CAMTA1: variants seen among roughly 807,000 people sequenced by gnomAD.
CAMTA1 encodes the protein calmodulin-binding transcription activator 1.
CAMTA1 carries 27 observed loss-of-function variants against 170.9 expected under a neutral mutation model. The ratio of observed to expected loss-of-function variants is 0.16; its 90% confidence interval spans 0.12 to 0.22. The LOEUF is 0.22. CAMTA1 is among the 10% of genes least tolerant of loss of function. CAMTA1 has a pLI of 1.00. For synonymous variants in CAMTA1, 833 were observed against 891.5 expected, an observed-to-expected ratio of 0.93 and a Z score of 1.17; for missense variants, 1,619 against 2,217.2, an observed-to-expected ratio of 0.73 and a Z score of 5.42.
intron 11 of CAMTA1, among the ~76,000 whole-genome samples, chr1:7,714,965 C>T (rs531343808): frequency 1.1e-4 from 17 of 152,306 alleles, no homozygotes; most frequent in African/African-American, 4.1e-4. Flanking sequence ...CGTTCAGCCC[C>T]ATTTGGGACT....
intron 3 of CAMTA1, among the ~76,000 whole-genome samples, chr1:6,979,944 G>T (rs751028202): frequency 1.3e-5 from 2 of 152,136 alleles, no homozygotes; most frequent in African/African-American, 4.8e-5. Context: ...CACTATGTGC[G>T]CATGAAGACG....
At chr1:7,553,098 C>A (rs1338058095) in intron 6 of CAMTA1, among the ~76,000 whole-genome samples, 1 of 152,116 alleles carries the variant, frequency 6.6e-6, no homozygotes, top group African/African-American at 2.4e-5. Context: ...CATGAAGTAC[C>A]TTGAGTGAAT....
intron 5 of CAMTA1, among the ~76,000 whole-genome samples, chr1:7,378,196 A>G (rs2149044937): frequency 6.6e-6 from 1 of 152,324 alleles, no homozygotes; most frequent in African/African-American, 2.4e-5. Flanking sequence ...AGGGCAGTTG[A>G]TCTATGCACT....
intron 5 of CAMTA1, among the ~76,000 whole-genome samples, chr1:7,429,294 G>C (rs920809707): frequency 6.6e-6 from 1 of 152,226 alleles, no homozygotes; most frequent in Admixed American, 6.5e-5. Context: ...ATAGTGCACG[G>C]CATATTTTAA....
intron 11 of CAMTA1, among the ~76,000 whole-genome samples, chr1:7,707,824 C>G (rs2096538302): frequency 6.6e-6 from 1 of 152,176 alleles, no homozygotes; most frequent in Non-Finnish European, 1.5e-5. Flanking sequence ...TCATGGAGAC[C>G]TTCAGTTAGA....
At chr1:7,451,709 C>G (rs2092828943) in intron 5 of CAMTA1, among the ~76,000 whole-genome samples, 1 of 152,114 alleles carries the variant, frequency 6.6e-6, no homozygotes, top group South Asian at 2.1e-4. Context: ...CCCTGTGAGG[C>G]CTGGAGTCCA....
chr1:7,523,869 T>TGCCCAG (rs1352973076), intron 6 of CAMTA1, among the ~76,000 whole-genome samples: 5 of 149,832 alleles, frequency 3.3e-5, no homozygotes, highest in Middle Eastern at 3.6e-3. Context: ...GACGACAGAG[T>TGCCCAG]GAGACTCTAT....
At chr1:6,901,893 A>T (rs193013342) in intron 3 of CAMTA1, among the ~76,000 whole-genome samples, 1 of 152,146 alleles carries the variant, frequency 6.6e-6, no homozygotes, top group East Asian at 1.9e-4. Context: ...TAAAAGTACA[A>T]AAATTAGCCG....
chr1:7,233,727 C>T (rs780259514), intron 4 of CAMTA1, among the ~76,000 whole-genome samples: 2 of 152,152 alleles, frequency 1.3e-5, no homozygotes, highest in Non-Finnish European at 2.9e-5. Context: ...GAGCAATGTT[C>T]GGAATTCTCG....
chr1:7,668,330 C>T (rs1206025127), intron 9 of CAMTA1, among the ~76,000 whole-genome samples: 1 of 151,596 alleles, frequency 6.6e-6, no homozygotes, highest in African/African-American at 2.4e-5. Context: ...CTCCCACAGG[C>T]TGCTCCCATT....
intron 22 of CAMTA1, among the ~76,000 whole-genome samples, chr1:7,762,464 A>G (rs2150304514): frequency 6.6e-6 from 1 of 152,378 alleles, no homozygotes; most frequent in African/African-American, 2.4e-5. Context: ...TTGGTGATAT[A>G]ATTGTTTTCT....
rs551027385 is a variant in CAMTA1 at position 7,449,513 on chromosome 1, T to C, written c.439-18317T>C. Reference sequence around the variant, plus strand: ...GGGCCAGGGCAGTGGCCCAGCCCTATAATCCCAGCACTTTGGAAGGCCAAG... The same window carrying C: ...GGGCCAGGGCAGTGGCCCAGCCCTACAATCCCAGCACTTTGGAAGGCCAAG... On this transcript the variant is annotated intron_variant, in intron 5 of 22. Transcript: ENST00000303635. 3.3e-5 allele frequency among the ~76,000 whole-genome samples: 5 copies of C among 152,212 alleles called. No individual in the cohort carries two copies. The East Asian group carries it at 9.7e-4, about 30-fold the overall frequency.
chr1:6,823,266 G>C (rs1646725987), intron 2 of CAMTA1, among the ~76,000 whole-genome samples: 1 of 152,072 alleles, frequency 6.6e-6, no homozygotes, highest in Non-Finnish European at 1.5e-5. Context: ...ACCTCCCTCG[G>C]GAGGATGAAG....
intron 3 of CAMTA1, among the ~76,000 whole-genome samples, chr1:6,862,813 G>A (rs902715659): frequency 1.3e-5 from 2 of 152,136 alleles, no homozygotes; most frequent in African/African-American, 4.8e-5. Flanking sequence ...CATTAAATGT[G>A]GGTATTTCTC....
intron 4 of CAMTA1, among the ~76,000 whole-genome samples, chr1:7,165,229 A>G (rs910914318): frequency 6.6e-6 from 1 of 152,212 alleles, no homozygotes; most frequent in African/African-American, 2.4e-5. Context: ...ATTACTTCAT[A>G]AGATGATACC....
At chr1:7,005,122 A>G (rs1698793946) in intron 3 of CAMTA1, among the ~76,000 whole-genome samples, 1 of 152,210 alleles carries the variant, frequency 6.6e-6, no homozygotes, top group African/African-American at 2.4e-5. Context: ...AAGCTGCAAG[A>G]TGATTACAAT....
rs773044862 is a variant in CAMTA1, at chr1:7,744,923, G to T, written c.4271G>T (p.Gly1424Val). 6.2e-7 allele frequency: 1 copy of T among 1,614,100 alleles called. No individual in the cohort carries two copies. Among genetic ancestry groups the T allele is most frequent in the South Asian group, 1.1e-5 (1 of 91,072 alleles). Residue 1424 changes from glycine (G) to valine (V), a missense_variant, in exon 17 of 23, where the codon GGA becomes GTA. Gly to Val is a moderately radical substitution (Grantham distance 109, BLOSUM62 -3). Transcript: ENST00000303635. Reference sequence around the variant, plus strand: ...AATTTTGTGCCCATGGAGTCCTCAGGATTGGAAAGAACAGACCCTGCCACC... The same window carrying T: ...AATTTTGTGCCCATGGAGTCCTCAGTATTGGAAAGAACAGACCCTGCCACC... Reference protein sequence around the residue: ...QENFVPMESSGLERTDPATIS... With the variant: ...QENFVPMESSVLERTDPATIS...
chr1:7,240,205 C>T (rs901384563), intron 4 of CAMTA1, among the ~76,000 whole-genome samples: 22 of 152,180 alleles, frequency 1.4e-4, no homozygotes, highest in Non-Finnish European at 2.1e-4. Flanking sequence ...CTCATTTCTT[C>T]TTCATTTATT....
chr1:6,819,597 C>A (rs1236510296), intron 1 of CAMTA1, among the ~76,000 whole-genome samples: 2 of 152,164 alleles, frequency 1.3e-5, no homozygotes, highest in African/African-American at 4.8e-5. Flanking sequence ...CACATACTTC[C>A]CATTTAAACA....
Sources: gnomAD v4.1 joint callset for allele counts (sites outside exome capture counted in the v4.1 genomes callset) on GRCh38, gnomAD v4.1.1 for gene constraint, MANE v1.5 for transcripts, NCBI Gene and HGNC (gene_info 2026-07-23, HGNC 2026-07-21) for gene names.